Variants in MCUB observed in about 807,000 individuals in gnomAD.
MCUB encodes mitochondrial calcium uniporter dominant negative subunit beta.
MCUB carries 46 observed loss-of-function variants against 41.4 expected under a neutral mutation model. The ratio of observed to expected loss-of-function variants is 1.11; its 90% CI spans 0.88 to 1.42. The LOEUF is 1.42. Ranked by LOEUF, MCUB falls within the 40% of genes most tolerant of loss-of-function variation. The pLI is 0.00. For missense variants in MCUB, 403 were observed against 404.9 expected (o/e 1.00, Z 0.04); for synonymous variants, 148 against 148.2 (o/e 1.00, Z 0.01).
At chr4:109,598,271 C>T (rs1329745111) in intron 1 of MCUB, among the ~76,000 whole-genome samples, 4 of 151,684 alleles carry the variant, frequency 2.6e-5, no homozygotes, top group East Asian at 1.9e-4. Flanking sequence ...TGTAGCGAGC[C>T]GAGATCATGC....
chr4:109,634,071 T>G (rs1284102863), intron 1 of MCUB, among the ~76,000 whole-genome samples: 1 of 152,218 alleles, frequency 6.6e-6, no homozygotes, highest in African/African-American at 2.4e-5. Context: ...CAGATTTAGC[T>G]GAGAATCTTG....
At position 109,577,695 on chromosome 4, in the gene MCUB, C is replaced by T. The variant is rs1274826126; in HGVS notation, c.99+17259C>T. Among the ~76,000 whole-genome samples, 5 of 33,162 alleles carry T rather than the reference C, an allele frequency of 1.5e-4. 2 individuals carry two copies. Among genetic ancestry groups the T allele is most frequent in the Admixed American group, 1.3e-3 (4 of 3,158 alleles). 21.8% of individuals were successfully genotyped at this position (33,162 alleles called of 152,430 possible). On this transcript the variant is annotated intron_variant, in intron 1 of 7. Coordinates refer to ENST00000394650, the MANE Select transcript of MCUB (RefSeq NM_017918.5). The stretch of plus-strand genomic sequence containing the variant: ...CGCGATCTCGGCTCACTGCAGGCTC[C>T]GCCCCCCGGGGTTCACGCCATTCTC...
intron 7 of MCUB, among the ~76,000 whole-genome samples, chr4:109,686,669 T>C (rs1436157816): frequency 6.6e-6 from 1 of 152,032 alleles, no homozygotes; most frequent in African/African-American, 2.4e-5. Context: ...AGTCCAGAAA[T>C]TGGAGACCAG....
intron 1 of MCUB, among the ~76,000 whole-genome samples, chr4:109,640,368 TG>T (rs1272147336): frequency 1.3e-5 from 2 of 152,250 alleles, no homozygotes; most frequent in African/African-American, 4.8e-5. Context: ...CTCAGAGGCC[TG>T]ACACCAGGCA....
At chr4:109,686,893 A>T (rs984964138) in intron 7 of MCUB, among the ~76,000 whole-genome samples, 2 of 152,094 alleles carry the variant, frequency 1.3e-5, no homozygotes, top group Middle Eastern at 3.2e-3. Flanking sequence ...AAAAAAATTT[A>T]AATATAACAC....
chr4:109,659,983 A>G (rs1729192183), intron 2 of MCUB, among the ~76,000 whole-genome samples: 1 of 152,190 alleles, frequency 6.6e-6, no homozygotes, highest in Admixed American at 6.5e-5. Flanking sequence ...AGCAGATAAT[A>G]AAGTGTGGTA....
chr4:109,638,411 TAAAAAAA>T (rs60114567), intron 1 of MCUB, among the ~76,000 whole-genome samples: 8 of 138,358 alleles, frequency 5.8e-5, no homozygotes, highest in East Asian at 4.2e-4. Flanking sequence ...GCATTATATC[TAAAAAAA>T]AAAAAAAAAA....
chr4:109,643,351 A>G (rs1238764500), intron 1 of MCUB, among the ~76,000 whole-genome samples: 1 of 148,248 alleles, frequency 6.7e-6, no homozygotes, highest in East Asian at 2.0e-4. Context: ...CACCCAGCTA[A>G]TTTTTGTATT....
At chr4:109,632,640 G>T in intron 1 of MCUB, among the ~76,000 whole-genome samples, 1 of 136,168 alleles carries the variant, frequency 7.3e-6, no homozygotes, top group East Asian at 2.2e-4. Context: ...TTTTAAGGTG[G>T]AGTCTCACTC....
intron 3 of MCUB, among the ~76,000 whole-genome samples, chr4:109,661,063 A>G (rs1014441588): frequency 4.6e-5 from 7 of 152,212 alleles, no homozygotes; most frequent in African/African-American, 1.7e-4. Flanking sequence ...AAATTTGTTC[A>G]CCACTGTTAT....
At chr4:109,598,149 G>A (rs1421686021) in intron 1 of MCUB, among the ~76,000 whole-genome samples, 4 of 146,814 alleles carry the variant, frequency 2.7e-5, no homozygotes, top group Non-Finnish European at 6.0e-5. Flanking sequence ...CATCCCAGAC[G>A]ATGGGCAGCC....
rs558314453 is a variant in MCUB, at chr4:109,571,079, T to G, written c.99+10643T>G. On this transcript the variant is annotated intron_variant, in intron 1 of 7. Transcript: ENST00000394650. ...AAGGAAAAGGCTTGGCTAAGGAACATTCAAGGCAGTGCATTGGCACAGGTG... is the reference window on the plus strand; with the variant it reads ...AAGGAAAAGGCTTGGCTAAGGAACAGTCAAGGCAGTGCATTGGCACAGGTG... Among the ~76,000 whole-genome samples the G allele has an allele frequency of 9.2e-5, 14 of 152,322 alleles. No homozygotes were observed. In the East Asian group the frequency reaches 2.7e-3, roughly 29 times the overall value.
chr4:109,654,791 G>A (rs1729052129), intron 1 of MCUB, among the ~76,000 whole-genome samples: 1 of 152,012 alleles, frequency 6.6e-6, no homozygotes, highest in Non-Finnish European at 1.5e-5. Flanking sequence ...GCTCATATGG[G>A]TTACTATGAT....
chr4:109,660,365 G>C lies in MCUB; in HGVS notation c.346G>C (p.Asp116His). 1 of 1,568,708 alleles carries C rather than the reference G, an allele frequency of 6.4e-7. No individual in the cohort carries two copies. Among genetic ancestry groups the C allele is most frequent in the Non-Finnish European group, 8.7e-7 (1 of 1,146,048 alleles). Residue 116 changes from aspartate (D) to histidine (H), a missense_variant and splice_region_variant, in exon 3 of 8, where the codon GAT becomes CAT. Coordinates refer to ENST00000394650, the MANE Select transcript of MCUB (RefSeq NM_017918.5). ...GIKTAAIFTA[D>H]GNMISASTLM... ...CAAAACTGCAGCCATCTTCACAGCAGGTATATATGTATATAATTTTACAAC... is the reference window on the plus strand; with the variant it reads ...CAAAACTGCAGCCATCTTCACAGCACGTATATATGTATATAATTTTACAAC...
intron 1 of MCUB, among the ~76,000 whole-genome samples, chr4:109,621,039 T>C (rs1728241147): frequency 6.6e-6 from 1 of 152,018 alleles, no homozygotes; most frequent in Admixed American, 6.6e-5. Context: ...GCTGGGATTA[T>C]AGGTGCATGC....
intron 3 of MCUB, among the ~76,000 whole-genome samples, chr4:109,661,708 G>GT (rs1729234877): frequency 6.6e-6 from 1 of 152,102 alleles, no homozygotes; most frequent in Non-Finnish European, 1.5e-5. Context: ...CAAAGACCTG[G>GT]GGGAAATGAG....
intron 4 of MCUB, among the ~76,000 whole-genome samples, chr4:109,668,004 A>G (rs1439352766): frequency 6.6e-6 from 1 of 152,028 alleles, no homozygotes; most frequent in Non-Finnish European, 1.5e-5. Flanking sequence ...ATCCGAAAGC[A>G]TACATTGTAT....
chr4:109,582,807 C>A (rs535870240), intron 1 of MCUB, among the ~76,000 whole-genome samples: 4 of 152,266 alleles, frequency 2.6e-5, no homozygotes, highest in African/African-American at 9.6e-5. Context: ...TTTTCCCAGA[C>A]CATTTATTAA....
intron 1 of MCUB, among the ~76,000 whole-genome samples, chr4:109,650,681 A>C (rs930579169): frequency 1.3e-5 from 2 of 152,232 alleles, no homozygotes; most frequent in African/African-American, 2.4e-5. Context: ...AAAATAGGAA[A>C]ATTAATGTTA....
Sources: gnomAD v4.1 joint callset for allele counts (sites outside exome capture counted in the v4.1 genomes callset) on GRCh38, gnomAD v4.1.1 for gene constraint, MANE v1.5 for transcripts, NCBI Gene and HGNC (gene_info 2026-07-23, HGNC 2026-07-21) for gene names.